CDH8: variants seen among roughly 807,000 people sequenced by gnomAD.
The protein encoded by CDH8 is cadherin 8.
CDH8 carries 17 observed loss-of-function variants against 68.1 expected under a neutral mutation model. The ratio of observed to expected loss-of-function variants is 0.25; its 90% CI spans 0.17 to 0.37. The LOEUF (loss-of-function observed/expected upper bound fraction) is 0.37. Ranked by LOEUF, CDH8 falls within the 10% of genes least tolerant of loss-of-function variation. The pLI, the probability that CDH8 is intolerant of heterozygous loss-of-function variation, is 1.00. For synonymous variants in CDH8, 372 were observed against 365.1 expected (o/e 1.02, Z -0.21); for missense variants, 763 against 999.3 (o/e 0.76, Z 3.19).
intron 9 of CDH8, among the ~76,000 whole-genome samples, chr16:61,720,738 T>C (rs1282263271): frequency 6.6e-6 from 1 of 150,822 alleles, no homozygotes; most frequent in Non-Finnish European, 1.5e-5. Flanking sequence ...TACTTGTAAA[T>C]TATCACAGGA....
At chr16:61,989,278 CAA>C (rs1176726073) in intron 2 of CDH8, among the ~76,000 whole-genome samples, 1 of 152,058 alleles carries the variant, frequency 6.6e-6, no homozygotes, top group Non-Finnish European at 1.5e-5. Context: ...TATTTTTTGA[CAA>C]AAAGAGTGAT....
intron 2 of CDH8, among the ~76,000 whole-genome samples, chr16:61,959,336 C>T (rs1341119919): frequency 6.6e-6 from 1 of 152,020 alleles, no homozygotes; most frequent in African/African-American, 2.4e-5. Flanking sequence ...AGGGTGTTTT[C>T]CTTTCTTCCA....
At chr16:61,859,365 G>C (rs1304194292) in intron 3 of CDH8, among the ~76,000 whole-genome samples, 1 of 152,174 alleles carries the variant, frequency 6.6e-6, no homozygotes, top group African/African-American at 2.4e-5. Flanking sequence ...CAGAAAGAGG[G>C]ATGACAGGAC....
At chr16:61,951,268 T>C (rs888352468) in intron 2 of CDH8, among the ~76,000 whole-genome samples, 2 of 152,114 alleles carry the variant, frequency 1.3e-5, no homozygotes, top group African/African-American at 4.8e-5. Context: ...TCCCAGCACT[T>C]TGGGAGGCTG....
chr16:61,748,628 G>A (rs185459880), intron 8 of CDH8, among the ~76,000 whole-genome samples: 93 of 151,938 alleles, frequency 6.1e-4, no homozygotes, highest in Non-Finnish European at 1.1e-3. Flanking sequence ...TCTAAATGTC[G>A]TTTCTCCACC....
In CDH8 at chr16:61,988,238, GC is replaced by G. The variant is rs201590833; in HGVS notation, c.252+32913del. On this transcript the variant is annotated intron_variant, in intron 2 of 11. Coordinates refer to ENST00000577390, the MANE Select transcript of CDH8 (RefSeq NM_001796.5). Reference sequence around the variant, plus strand: ...AAAATAACAAAACACAAAGCCTAATGCAGTGCCCAAGCAACACTCCGTACAG... The same window carrying G: ...AAAATAACAAAACACAAAGCCTAATGAGTGCCCAAGCAACACTCCGTACAG... 5.3e-5 allele frequency among the ~76,000 whole-genome samples: 6 copies of G among 112,896 alleles called. No individual in the cohort carries two copies. In the East Asian group the frequency reaches 2.1e-3, roughly 39 times the overall value. 74.1% of individuals were successfully genotyped at this position (112,896 alleles called of 152,430 possible). A position where few individuals can be genotyped will look rare whatever the true frequency, so the allele number is the denominator to read the frequency against.
At chr16:61,718,235 G>A (rs955262629) in intron 9 of CDH8, among the ~76,000 whole-genome samples, 2 of 151,362 alleles carry the variant, frequency 1.3e-5, no homozygotes, top group East Asian at 1.9e-4. Context: ...GCAGTCTGAA[G>A]GTTCTTGATT....
chr16:61,685,658 A>T (rs912421690), intron 10 of CDH8, among the ~76,000 whole-genome samples: 19 of 152,010 alleles, frequency 1.2e-4, no homozygotes, highest in Non-Finnish European at 2.4e-4. Context: ...GGGTATGCAA[A>T]GTGCTTAACA....
intron 2 of CDH8, among the ~76,000 whole-genome samples, chr16:61,990,170 T>C (rs1384194682): frequency 6.6e-6 from 1 of 152,154 alleles, no homozygotes; most frequent in Non-Finnish European, 1.5e-5. Flanking sequence ...TAGTAATCAT[T>C]AAGTTCTTAC....
chr16:61,984,178 A>G (rs1965589216), intron 2 of CDH8, among the ~76,000 whole-genome samples: 1 of 152,062 alleles, frequency 6.6e-6, no homozygotes, highest in African/African-American at 2.4e-5. Flanking sequence ...TCGGCCTCCC[A>G]AAGTGCTGGG....
intron 2 of CDH8, among the ~76,000 whole-genome samples, chr16:61,938,981 A>G (rs1042254617): frequency 4.6e-5 from 7 of 152,236 alleles, no homozygotes; most frequent in South Asian, 4.1e-4. Context: ...GTAGCTGTAC[A>G]GTATAAACAC....
intron 2 of CDH8, among the ~76,000 whole-genome samples, chr16:61,932,294 G>A (rs1268176776): frequency 2.0e-5 from 3 of 151,718 alleles, no homozygotes; most frequent in African/African-American, 4.8e-5. Flanking sequence ...GAGCACTCTG[G>A]GATCTATTAG....
chr16:61,951,681 C>A (rs913929283), intron 2 of CDH8, among the ~76,000 whole-genome samples: 3 of 152,030 alleles, frequency 2.0e-5, no homozygotes, highest in Admixed American at 6.6e-5. Flanking sequence ...ATACTGAAGT[C>A]AAAAGCCTGA....
At chr16:61,720,117 T>G (rs1425473750) in intron 9 of CDH8, among the ~76,000 whole-genome samples, 1 of 150,962 alleles carries the variant, frequency 6.6e-6, no homozygotes, top group Non-Finnish European at 1.5e-5. Flanking sequence ...ATTTGAGTCT[T>G]TAAAAGATTG....
intron 2 of CDH8, among the ~76,000 whole-genome samples, chr16:61,917,311 T>C (rs1472387971): frequency 6.6e-6 from 1 of 152,164 alleles, no homozygotes; most frequent in East Asian, 1.9e-4. Flanking sequence ...CTTTCTCTCC[T>C]GTACTGTTCA....
At chr16:61,919,167 A>T (rs1302633749) in intron 2 of CDH8, among the ~76,000 whole-genome samples, 3 of 145,218 alleles carry the variant, frequency 2.1e-5, no homozygotes, top group African/African-American at 7.7e-5. Context: ...CCATCTGTAC[A>T]TCACCATCAT....
chr16:61,983,168 C>G (rs991162618), intron 2 of CDH8, among the ~76,000 whole-genome samples: 2 of 152,118 alleles, frequency 1.3e-5, no homozygotes. Context: ...ATCCCAAATT[C>G]TATATTTAAA....
At chr16:61,837,418 A>G (rs1397187967) in intron 4 of CDH8, among the ~76,000 whole-genome samples, 1 of 152,098 alleles carries the variant, frequency 6.6e-6, no homozygotes, top group African/African-American at 2.4e-5. Context: ...GTTCTATTTT[A>G]TACAGATTAA....
chr16:61,801,708 C>T (rs1439515581), intron 7 of CDH8, among the ~76,000 whole-genome samples: 3 of 152,112 alleles, frequency 2.0e-5, no homozygotes, highest in Non-Finnish European at 2.9e-5. Flanking sequence ...GGGTGACGGA[C>T]GCACCTGGAA....
Sources: gnomAD v4.1 joint callset for allele counts (sites outside exome capture counted in the v4.1 genomes callset) on GRCh38, gnomAD v4.1.1 for gene constraint, MANE v1.5 for transcripts, NCBI Gene and HGNC (gene_info 2026-07-23, HGNC 2026-07-21) for gene names.